The following WWOX variants were observed in gnomAD, a reference collection of about 807,000 sequenced individuals.
WWOX encodes the protein WW domain-containing oxidoreductase.
A neutral mutation model predicts 46.2 loss-of-function variants in WWOX; 69 were observed. The ratio of observed to expected loss-of-function variants is 1.49; its 90% CI spans 1.23 to 1.82. WWOX has a LOEUF of 1.82. Ranked by LOEUF, WWOX falls within the 40% of genes most tolerant of loss-of-function variation. The pLI is 0.00. For synonymous variants in WWOX, 359 were observed against 202.6 expected (o/e 1.77, Z -6.56); for missense variants, 919 against 542.6 (o/e 1.69, Z -6.89).
chr16:78,270,382 A>G (rs1158563699), intron 5 of WWOX: 2 of 152,174 alleles, frequency 1.3e-5, no homozygotes, highest in African/African-American at 4.8e-5. Context: ...TTTCCAGTAT[A>G]ATAAAGACAG....
At chr16:78,141,449 T>TG (rs2033984853) in intron 4 of WWOX, among the ~76,000 whole-genome samples, 3 of 150,284 alleles carry the variant, frequency 2.0e-5, no homozygotes, top group Admixed American at 1.3e-4. Flanking sequence ...TTTTTTTTTT[T>TG]GCATCCTGTA....
At chr16:79,104,881 G>A (rs894817521) in intron 8 of WWOX, among the ~76,000 whole-genome samples, 10 of 152,110 alleles carry the variant, frequency 6.6e-5, no homozygotes, top group Admixed American at 4.6e-4. Flanking sequence ...GACAGACAGC[G>A]GCCAGAGAAG....
chr16:78,415,341 G>A (rs1355422888), intron 6 of WWOX, among the ~76,000 whole-genome samples: 3 of 151,988 alleles, frequency 2.0e-5, no homozygotes, highest in South Asian at 2.1e-4. Flanking sequence ...ACCAAATGTC[G>A]TTGCCATCTT....
intron 8 of WWOX, among the ~76,000 whole-genome samples, chr16:78,628,166 C>G (rs1332534361): frequency 1.3e-5 from 2 of 152,148 alleles, no homozygotes; most frequent in Non-Finnish European, 2.9e-5. Flanking sequence ...AAAGCAAAAG[C>G]TGGATGCTTG....
At chr16:79,026,528 A>T (rs569041179) in intron 8 of WWOX, among the ~76,000 whole-genome samples, 2 of 150,552 alleles carry the variant, frequency 1.3e-5, no homozygotes, top group East Asian at 3.9e-4. Context: ...CCAGACAATG[A>T]TCTCTATCTA....
intron 8 of WWOX, among the ~76,000 whole-genome samples, chr16:78,542,313 T>C (rs569297694): frequency 6.6e-6 from 1 of 152,236 alleles, no homozygotes; most frequent in South Asian, 2.1e-4. Context: ...CTAGATGACA[T>C]GATGTACCCT....
At chr16:78,828,394 G>T (rs1411711283) in intron 8 of WWOX, among the ~76,000 whole-genome samples, 2 of 152,064 alleles carry the variant, frequency 1.3e-5, no homozygotes, top group East Asian at 1.9e-4. Context: ...CCAACATTTA[G>T]GCAATATGAC....
chr16:78,427,463 C>A (rs8055647), intron 7 of WWOX, among the ~76,000 whole-genome samples: 1 of 151,946 alleles, frequency 6.6e-6, no homozygotes, highest in Admixed American at 6.6e-5. Context: ...GTTGAACAAC[C>A]CTCAATGGCT....
chr16:78,310,564 T>C (rs963655722), intron 5 of WWOX, among the ~76,000 whole-genome samples: 2 of 152,178 alleles, frequency 1.3e-5, no homozygotes, highest in African/African-American at 4.8e-5. Context: ...GTCACCAGAA[T>C]GCATGCCACC....
intron 8 of WWOX, among the ~76,000 whole-genome samples, chr16:78,889,793 C>G (rs765825640): frequency 6.6e-6 from 1 of 152,144 alleles, no homozygotes; most frequent in Non-Finnish European, 1.5e-5. Flanking sequence ...ACAGCTGCCA[C>G]CCGAGGTTTA....
chr16:78,316,016 T>A (rs1264204290), intron 5 of WWOX, among the ~76,000 whole-genome samples: 2 of 151,762 alleles, frequency 1.3e-5, no homozygotes, highest in African/African-American at 4.8e-5. Flanking sequence ...GAGGCTGAGG[T>A]GGGCGGATCA....
chr16:78,110,393 C>A (rs1166349973), intron 3 of WWOX, among the ~76,000 whole-genome samples: 1 of 149,124 alleles, frequency 6.7e-6, no homozygotes, highest in Non-Finnish European at 1.5e-5. Context: ...TGTTTAGTAA[C>A]CTGCTTTTTC....
intron 8 of WWOX, chr16:78,825,930 C>A: frequency 1.3e-6 from 1 of 778,412 alleles, no homozygotes; most frequent in East Asian, 2.6e-5. Context: ...GAGGTAGTGC[C>A]CACCACTCCC....
At chr16:78,655,045 C>G (rs2047050187) in intron 8 of WWOX, among the ~76,000 whole-genome samples, 1 of 152,050 alleles carries the variant, frequency 6.6e-6, no homozygotes, top group Non-Finnish European at 1.5e-5. Context: ...GAACTCTGTG[C>G]CTTTCCCCAA....
At chr16:78,141,540 A>G (rs2033988500) in intron 4 of WWOX, among the ~76,000 whole-genome samples, 1 of 150,386 alleles carries the variant, frequency 6.6e-6, no homozygotes, top group Admixed American at 6.7e-5. Context: ...ATTTGTGTAC[A>G]ATTTTGTAGG....
At chr16:78,688,329 T>C (rs1020050155) in intron 8 of WWOX, among the ~76,000 whole-genome samples, 1 of 151,314 alleles carries the variant, frequency 6.6e-6, no homozygotes, top group African/African-American at 2.4e-5. Flanking sequence ...GAGAGAAAAT[T>C]CACGAGATCA....
chr16:78,714,424 G>A (rs1437784706), intron 8 of WWOX, among the ~76,000 whole-genome samples: 1 of 151,966 alleles, frequency 6.6e-6, no homozygotes, highest in Non-Finnish European at 1.5e-5. Context: ...AGAACAGCAT[G>A]GGAAAGACCT....
chr16:78,806,367 A>C (rs144919511), intron 8 of WWOX, among the ~76,000 whole-genome samples: 37 of 152,188 alleles, frequency 2.4e-4, no homozygotes, highest in African/African-American at 7.7e-4. Context: ...ACCACCCCCA[A>C]ATTTAGTGGC....
intron 8 of WWOX, among the ~76,000 whole-genome samples, chr16:79,184,487 C>G (rs901687786): frequency 1.6e-4 from 24 of 152,108 alleles, no homozygotes; most frequent in African/African-American, 5.6e-4. Context: ...GCAGACTGAC[C>G]AAAAGCACAA....
Sources: gnomAD v4.1 joint callset for allele counts (sites outside exome capture counted in the v4.1 genomes callset) on GRCh38, gnomAD v4.1.1 for gene constraint, MANE v1.5 for transcripts, NCBI Gene and HGNC (gene_info 2026-07-23, HGNC 2026-07-21) for gene names.